The following DHRS3 variants were observed in gnomAD, a reference collection of about 807,000 sequenced individuals.
The protein encoded by DHRS3 is dehydrogenase/reductase 3.
A neutral mutation model predicts 27.2 loss-of-function variants in DHRS3; 14 were observed. The observed-to-expected ratio is 0.52, with a 90% CI of 0.34 to 0.81. The LOEUF is 0.81. DHRS3 is among the 30% of genes least tolerant of loss of function. The probability of loss-of-function intolerance (pLI) is 0.01; values close to 1 mark genes in which losing one functional copy is unlikely to be tolerated. For synonymous variants in DHRS3, 165 were observed against 175.9 expected (o/e 0.94, Z 0.49); for missense variants, 322 against 406.2 (o/e 0.79, Z 1.78).
intron 1 of DHRS3, among the ~76,000 whole-genome samples, chr1:12,583,323 T>TCATCCCTC (rs1646661444): frequency 7.9e-6 from 1 of 126,506 alleles, no homozygotes; most frequent in Non-Finnish European, 1.7e-5. Flanking sequence ...CCTACTCCAT[T>TCATCCCTC]CATCCATCCA....
chr1:12,573,778 T>C (rs1405897052), intron 4 of DHRS3, among the ~76,000 whole-genome samples: 1 of 152,218 alleles, frequency 6.6e-6, no homozygotes, highest in East Asian at 1.9e-4. Context: ...CATCTGACCC[T>C]AGATCCAAAC....
chr1:12,583,904 C>T (rs535158746), intron 1 of DHRS3, among the ~76,000 whole-genome samples: 7 of 152,084 alleles, frequency 4.6e-5, no homozygotes, highest in Admixed American at 3.3e-4. Flanking sequence ...TACTCACCTG[C>T]CCAATTCCAT....
At chr1:12,590,939 C>G (rs1570380035) in intron 1 of DHRS3, among the ~76,000 whole-genome samples, 1 of 152,228 alleles carries the variant, frequency 6.6e-6, no homozygotes, top group East Asian at 1.9e-4. Flanking sequence ...TTCTGGGAGG[C>G]CTGTTTTCCA....
chr1:12,580,383 G>T lies in DHRS3; in HGVS notation c.339+140C>A, dbSNP rs909693442. ...CTATGTAACTGGGGCCAGCTTCATG[G>T]GAGAGTCCCCAAAGGTGCCCCGGGC... is the stretch of plus-strand genomic sequence containing the variant. On this transcript the variant is annotated intron_variant, in intron 2 of 5. Transcript: ENST00000616661. 4 of 1,130,876 alleles carry T rather than the reference G, an allele frequency of 3.5e-6. No individual in the cohort carries two copies. The African/African-American group carries it at 6.1e-5, about 17-fold the overall frequency. The allele number at this position is 1,130,876 out of a possible 1,614,324, so 70.1% of individuals were successfully genotyped here.
Position 12,592,462 on chromosome 1 carries a change from C to T in DHRS3, c.196-11796G>A, listed in dbSNP as rs995529885. 6.6e-6 allele frequency among the ~76,000 whole-genome samples: 1 copy of T among 152,124 alleles called. No homozygotes were observed. Among genetic ancestry groups the T allele is most frequent in the African/African-American group, 2.4e-5 (1 of 41,424 alleles). ...ACATACACAGAGGAGAGGAAGGCCGCGTGAAGATGGAAGCAGAGACGGCAG... is the reference window on the plus strand; with the variant it reads ...ACATACACAGAGGAGAGGAAGGCCGTGTGAAGATGGAAGCAGAGACGGCAG... On this transcript the variant is annotated intron_variant, in intron 1 of 5. Coordinates refer to ENST00000616661, the MANE Select transcript of DHRS3 (RefSeq NM_004753.7). The surrounding 1 kb of genome is among the most constrained non-coding windows in gnomAD (Gnocchi z 4.2).
At chr1:12,584,358 C>T (rs957067490) in intron 1 of DHRS3, among the ~76,000 whole-genome samples, 5 of 152,046 alleles carry the variant, frequency 3.3e-5, no homozygotes, top group African/African-American at 1.2e-4. Flanking sequence ...CCAGGAAGCC[C>T]CCCAGGCAGG....
intron 1 of DHRS3, among the ~76,000 whole-genome samples, chr1:12,581,693 G>T (rs1273341073): frequency 6.6e-6 from 1 of 152,162 alleles, no homozygotes; most frequent in African/African-American, 2.4e-5. Context: ...ACCTCCCCAC[G>T]ATGTGTCACT....
chr1:12,578,155 A>C lies in DHRS3; in HGVS notation c.698+563T>G, dbSNP rs1172991278. 6.6e-6 allele frequency among the ~76,000 whole-genome samples: 1 copy of C among 152,166 alleles called. No homozygotes were observed. Among genetic ancestry groups the C allele is most frequent in the Non-Finnish European group, 1.5e-5 (1 of 68,028 alleles). ...GACGCTGTGGAGGTGCATCTCCCTC[A>C]TTTGACCTTTAGACACATCCCGCTG... On this transcript the variant is annotated intron_variant, in intron 4 of 5. Transcript: ENST00000616661. The surrounding 1 kb of genome is among the most constrained non-coding windows in gnomAD (Gnocchi z 4.5).
At chr1:12,609,193 A>G (rs34344929) in intron 1 of DHRS3, among the ~76,000 whole-genome samples, 6,031 of 152,252 alleles carry the variant, frequency 0.04, 177 homozygotes, top group Non-Finnish European at 0.065. Context: ...CACTCCAAGA[A>G]CACTAAGTGT....
At chr1:12,580,688 G>C (rs969211073) in intron 1 of DHRS3, 22 bp from the exon 2 acceptor site, 1 of 1,603,006 alleles carries the variant, frequency 6.2e-7, no homozygotes, top group African/African-American at 1.3e-5. Context: ...TAATAACAAC[G>C]CAGAACAAAT....
intron 5 of DHRS3, among the ~76,000 whole-genome samples, chr1:12,570,649 G>A (rs1646527866): frequency 6.6e-6 from 1 of 152,202 alleles, no homozygotes; most frequent in Non-Finnish European, 1.5e-5. Flanking sequence ...AGAGCGCTGA[G>A]GTGTTCTAGA....
chr1:12,611,306 A>C (rs1646907699), intron 1 of DHRS3, among the ~76,000 whole-genome samples: 2 of 152,236 alleles, frequency 1.3e-5, no homozygotes, highest in Admixed American at 1.3e-4. Flanking sequence ...GCATTCCTGA[A>C]AGCCCAAATA....
In DHRS3 at chr1:12,618,196, A is replaced by C. The variant is rs138065244; in HGVS notation, c.-848T>G. ...CAACTTGGAGAGGGTCCGGGTGTGG[A>C]GCGCGCGTGGATCGGACGCCTTGGT... On this transcript the variant is annotated 5_prime_UTR_variant, in exon 1 of 6. Coordinates refer to ENST00000616661, the MANE Select transcript of DHRS3 (RefSeq NM_004753.7). This position sits in a 1 kb window ranked among gnomAD's most constrained non-coding sequence, Gnocchi z 4.2. 8.2e-3 allele frequency among the ~76,000 whole-genome samples: 1,248 copies of C among 152,188 alleles called. 21 individuals are homozygous for C. The highest frequency in any genetic ancestry group is 0.028 in the African/African-American group (1,174 of 41,530).
intron 1 of DHRS3, among the ~76,000 whole-genome samples, chr1:12,607,240 C>G (rs1271534089): frequency 6.6e-6 from 1 of 152,204 alleles, no homozygotes; most frequent in Non-Finnish European, 1.5e-5. Flanking sequence ...CCTGATTTGG[C>G]TGTTTCTAAC....
In DHRS3 at chr1:12,596,418, T is replaced by C. The variant is rs113067211; in HGVS notation, c.196-15752A>G. On this transcript the variant is annotated intron_variant, in intron 1 of 5. Transcript: ENST00000616661. ...TGCTCTGGGCTTTCTGGGAAGCTCA[T>C]TACTTCTCCCTTGCAAAGCCTGGTT... 6.4e-3 allele frequency: 971 copies of C among 152,284 alleles called. 5 individuals are homozygous for C. The highest frequency in any genetic ancestry group is 0.024 in the Middle Eastern group (7 of 294). 9.4% of individuals were successfully genotyped at this position (152,284 alleles called of 1,614,324 possible).
chr1:12,617,983 C>T lies in DHRS3; in HGVS notation c.-635G>A, dbSNP rs2100736554. ...AATTGCTTAAACGCGATCTGATTGC[C>T]AGCAACGTGCAGGAGAAGTGGGGGG... On this transcript the variant is annotated 5_prime_UTR_variant, in exon 1 of 6. The change creates a premature stop within an existing upstream ORF in the 5' untranslated region. Coordinates refer to ENST00000616661, the MANE Select transcript of DHRS3 (RefSeq NM_004753.7). Among the ~76,000 whole-genome samples, 1 of 151,944 alleles carries T rather than the reference C, an allele frequency of 6.6e-6. No individual in the cohort carries two copies. Among genetic ancestry groups the T allele is most frequent in the South Asian group, 2.1e-4 (1 of 4,796 alleles).
At chr1:12,590,928 T>C (rs1646740506) in intron 1 of DHRS3, among the ~76,000 whole-genome samples, 1 of 152,226 alleles carries the variant, frequency 6.6e-6, no homozygotes, top group South Asian at 2.1e-4. Context: ...TCCACCTTTT[T>C]TTCTGGGAGG....
intron 5 of DHRS3, among the ~76,000 whole-genome samples, chr1:12,569,148 C>T (rs1307413989): frequency 2.0e-5 from 3 of 151,494 alleles, no homozygotes; most frequent in Admixed American, 6.6e-5. Flanking sequence ...ACCTGGGAGG[C>T]GGAGGTTTCG....
rs745431525 is a variant in DHRS3 at position 12,568,318 on chromosome 1, C to T, written c.*22G>A. The T allele has an allele frequency of 2.1e-5, 34 of 1,611,864 alleles. No homozygotes were observed. The Admixed American group carries it at 3.3e-4, about 16-fold the overall frequency. ...GTGGCCCCCAAACTCCGTGGCTCCT[C>T]AAGCATGTCTTCATCCTGTCTCTAT... On this transcript the variant is annotated 3_prime_UTR_variant, in exon 6 of 6. Coordinates refer to ENST00000616661, the MANE Select transcript of DHRS3 (RefSeq NM_004753.7).
Sources: allele counts gnomAD v4.1 joint callset (sites outside exome capture counted in the v4.1 genomes callset), GRCh38; gene constraint gnomAD v4.1.1; non-coding constraint Gnocchi (gnomAD v3.1); transcripts MANE v1.5; gene names NCBI Gene and HGNC (gene_info 2026-07-23, HGNC 2026-07-21).